The following WDR27 variants were observed in gnomAD, a reference collection of about 807,000 sequenced individuals.
WDR27 encodes WD repeat-containing protein 27.
Under a neutral mutation model 114.4 loss-of-function variants are expected in WDR27, and 100 were observed. That is an observed-to-expected ratio of 0.87 (90% CI 0.74 to 1.03). The LOEUF (loss-of-function observed/expected upper bound fraction) is 1.03. Ranked by LOEUF, WDR27 falls within the 50% of genes least tolerant of loss-of-function variation. The pLI, the probability that WDR27 is intolerant of heterozygous loss-of-function variation, is 0.00. For missense variants in WDR27, 1,129 were observed against 1,092.9 expected (o/e 1.03, Z -0.47); for synonymous variants, 449 against 423.1 (o/e 1.06, Z -0.75).
chr6:169,612,392 C>CA (rs1810764201), intron 22 of WDR27, among the ~76,000 whole-genome samples: 1 of 152,202 alleles, frequency 6.6e-6, no homozygotes, highest in Admixed American at 6.5e-5. Context: ...TGCACTCCAG[C>CA]ACTCCAGCCT....
In WDR27 at chr6:169,651,969, T is replaced by A; in HGVS notation, c.1442A>T (p.His481Leu). Reference protein sequence around the residue: ...NVMKDQRLVFHSKVRSSGYAS... With the variant: ...NVMKDQRLVFLSKVRSSGYAS... Reference sequence around the variant, plus strand: ...ATAACCAGATGACCTAACTTTACTATGGAAAACCAGGCGTTGGTCCTTCAT... The same window carrying A: ...ATAACCAGATGACCTAACTTTACTAAGGAAAACCAGGCGTTGGTCCTTCAT... Residue 481 changes from histidine to leucine, a missense_variant, in exon 14 of 26, where the codon CAT (histidine) becomes CTT (leucine). By Grantham distance (99) the His-to-Leu change is moderately conservative (BLOSUM62 -3). Transcript: ENST00000448612. 6.2e-7 allele frequency: 1 copy of A among 1,613,878 alleles called. No individual in the cohort carries two copies. Among genetic ancestry groups the A allele is most frequent in the Non-Finnish European group, 8.5e-7 (1 of 1,179,868 alleles).
At chr6:169,488,688 CA>C (rs767003454) in intron 25 of WDR27, among the ~76,000 whole-genome samples, 26 of 152,124 alleles carry the variant, frequency 1.7e-4, no homozygotes, top group Non-Finnish European at 3.4e-4. Context: ...TTGTGAAAAA[CA>C]AACTTAAAGG....
the WDR27 span, among the ~76,000 whole-genome samples, chr6:169,445,455 CCT>C: frequency 9.9e-5 from 15 of 152,270 alleles, no homozygotes; most frequent in African/African-American, 2.4e-4. Context: ...ACCCTCTGCC[CCT>C]GTTTCCCCAG....
chr6:169,644,553 TCA>T (rs1444802045), intron 16 of WDR27, among the ~76,000 whole-genome samples: 2 of 149,000 alleles, frequency 1.3e-5, no homozygotes, highest in Non-Finnish European at 3.0e-5. Context: ...TTCACAGGAG[TCA>T]CACTGTCGAA....
chr6:169,680,929 G>A (rs1781365383), intron 2 of WDR27, among the ~76,000 whole-genome samples: 1 of 152,162 alleles, frequency 6.6e-6, no homozygotes, highest in Non-Finnish European at 1.5e-5. Flanking sequence ...ACTAATGGAA[G>A]ACAGATAAGT....
At position 169,634,521 on chromosome 6, in the gene WDR27, T is replaced by C; in HGVS notation, c.2008A>G (p.Lys670Glu). 6.2e-7 allele frequency: 1 copy of C among 1,607,948 alleles called. No individual in the cohort carries two copies. The highest frequency in any genetic ancestry group is 8.5e-7 in the Non-Finnish European group (1 of 1,176,750). ...DTCKDEIKRYKQKSKSKLICR... is the reference protein window; with the variant it reads ...DTCKDEIKRYEQKSKSKLICR... ...ATCAGCTTGGACTTGCTCTTCTGTT[T>C]ATATCTGGAAGAGAAAATCAAGATG... The change falls in exon 20 of 26, where the codon AAA (lysine) becomes GAA (glutamate). Residue 670 changes from lysine (K) to glutamate (E), a missense_variant. By Grantham distance (56) the Lys-to-Glu change is moderately conservative. Transcript: ENST00000448612.
rs185992861 is a variant in WDR27 at position 169,679,419 on chromosome 6, C to G, written c.190-7023G>C. 2.0e-5 allele frequency among the ~76,000 whole-genome samples: 3 copies of G among 152,210 alleles called. No homozygotes were observed. In the East Asian group the frequency reaches 5.8e-4, roughly 29 times the overall value. ...TGAGAAGGACATAAAATGTAGGGGA[C>G]CAGGAGTAGAATGATATAGTCTGCA... On this transcript the variant is annotated intron_variant, in intron 2 of 25. Transcript: ENST00000448612.
At chr6:169,670,817 G>C in intron 3 of WDR27, 124 bp from the exon 4 acceptor site, 1 of 1,326,544 alleles carries the variant, frequency 7.5e-7, no homozygotes, top group South Asian at 1.5e-5. Flanking sequence ...AATGAGCTTT[G>C]ATGTGATTTT....
At chr6:169,640,558 C>T (rs1403406708) in intron 17 of WDR27, among the ~76,000 whole-genome samples, 1 of 152,232 alleles carries the variant, frequency 6.6e-6, no homozygotes, top group East Asian at 1.9e-4. Context: ...AGGAAAGTCA[C>T]GTTTGTGACT....
At chr6:169,492,493 C>G (rs976264645) in intron 25 of WDR27, among the ~76,000 whole-genome samples, 3 of 151,926 alleles carry the variant, frequency 2.0e-5, no homozygotes, top group Non-Finnish European at 2.9e-5. Context: ...ATTAGACACC[C>G]GAAGGCAGGA....
At chr6:169,675,345 C>T (rs1378882386) in intron 2 of WDR27, among the ~76,000 whole-genome samples, 2 of 152,180 alleles carry the variant, frequency 1.3e-5, no homozygotes, top group East Asian at 3.8e-4. Flanking sequence ...TTTCCCTTTG[C>T]CTTCCACCAT....
At chr6:169,689,047 G>GT in intron 1 of WDR27, 35 bp from the exon 2 acceptor site, 1 of 1,487,870 alleles carries the variant, frequency 6.7e-7, no homozygotes, top group Non-Finnish European at 9.1e-7. Flanking sequence ...ATGACTATAG[G>GT]TATCATATTT....
chr6:169,636,570 C>G, intron 18 of WDR27, 66 bp from the exon 19 acceptor site: 1 of 1,456,466 alleles, frequency 6.9e-7, no homozygotes, highest in Non-Finnish European at 9.3e-7. Context: ...TTGCTCTAAA[C>G]ATAAAATTAT....
At chr6:169,518,993 C>T (rs1160807718) in intron 25 of WDR27, among the ~76,000 whole-genome samples, 2 of 152,202 alleles carry the variant, frequency 1.3e-5, no homozygotes, top group African/African-American at 4.8e-5. Flanking sequence ...CCACAAGTCC[C>T]TAGGGCACAA....
At chr6:169,442,780 G>C in the WDR27 span, among the ~76,000 whole-genome samples, 1 of 152,156 alleles carries the variant, frequency 6.6e-6, no homozygotes, top group African/African-American at 2.4e-5. Flanking sequence ...ACCTGGCCTT[G>C]GAGTTGTCCT....
intron 25 of WDR27, among the ~76,000 whole-genome samples, chr6:169,483,035 G>C (rs962363342): frequency 6.6e-6 from 1 of 152,150 alleles, no homozygotes; most frequent in Non-Finnish European, 1.5e-5. Context: ...AGCTAAAGCA[G>C]TATTAAGAGG....
chr6:169,638,646 C>T lies in WDR27; in HGVS notation c.1762G>A (p.Val588Met). 5 of 1,604,530 alleles carry T rather than the reference C, an allele frequency of 3.1e-6. No homozygotes were observed. The highest frequency in any genetic ancestry group is 4.3e-6 in the Non-Finnish European group (5 of 1,175,526). ...TCCTGGCTCCAGCACACGGCATTCA[C>T]TGCCCCGTCGTGACCTAACAGGAAT... ...PAVFSGHDGAVNAVCWSQDRR... is the reference protein window; with the variant it reads ...PAVFSGHDGAMNAVCWSQDRR... The change falls in exon 18 of 26, where the codon GTG becomes ATG. Residue 588 changes from valine (V) to methionine (M), a missense_variant. Transcript: ENST00000448612.
intron 17 of WDR27, among the ~76,000 whole-genome samples, chr6:169,639,450 T>C (rs1484579408): frequency 6.6e-6 from 1 of 151,588 alleles, no homozygotes; most frequent in Non-Finnish European, 1.5e-5. Flanking sequence ...TTTAAAGAAC[T>C]GCTGTCAACG....
chr6:169,572,674 A>G (rs911171608), intron 24 of WDR27, 134 bp from the exon 25 acceptor site: 1 of 152,368 alleles, frequency 6.6e-6, no homozygotes, highest in Admixed American at 6.5e-5. Flanking sequence ...TTGATAATTA[A>G]CAAACGTAAT....
Sources: allele counts gnomAD v4.1 joint callset (sites outside exome capture counted in the v4.1 genomes callset), GRCh38; gene constraint gnomAD v4.1.1; transcripts MANE v1.5; gene names NCBI Gene and HGNC (gene_info 2026-07-23, HGNC 2026-07-21).